The following RNF38 variants were observed in gnomAD, a reference collection of about 807,000 sequenced individuals.
The protein encoded by RNF38 is E3 ubiquitin-protein ligase RNF38.
RNF38 carries 15 observed loss-of-function variants against 67.2 expected under a neutral mutation model. The observed-to-expected ratio is 0.22, with a 90% CI of 0.15 to 0.34. The LOEUF (loss-of-function observed/expected upper bound fraction) is 0.34, where lower values mean the gene tolerates loss of function less well. RNF38 is among the 10% of genes least tolerant of loss of function. The pLI, the probability that RNF38 is intolerant of heterozygous loss-of-function variation, is 1.00. For synonymous variants in RNF38, 220 were observed against 218.8 expected (o/e 1.01, Z -0.05); for missense variants, 524 against 639.9 (o/e 0.82, Z 1.95).
intron 2 of RNF38, among the ~76,000 whole-genome samples, chr9:36,409,204 GA>G (rs901916564): frequency 1.3e-5 from 2 of 150,178 alleles, no homozygotes; most frequent in Non-Finnish European, 3.0e-5. Context: ...AAGAGAGAGA[GA>G]AAGGGAGGGA....
chr9:36,413,249 A>G (rs1029260465), intron 2 of RNF38, among the ~76,000 whole-genome samples: 8 of 151,308 alleles, frequency 5.3e-5, no homozygotes, highest in African/African-American at 1.5e-4. Flanking sequence ...AAAAAAAAAA[A>G]GCATGGCATC....
chr9:36,481,653 T>A (rs1840272493), intron 1 of RNF38, among the ~76,000 whole-genome samples: 1 of 152,062 alleles, frequency 6.6e-6, no homozygotes, highest in East Asian at 1.9e-4. Flanking sequence ...AAAATAATAA[T>A]AAAAAAGACA....
chr9:36,382,033 T>C (rs1836248744), intron 2 of RNF38, among the ~76,000 whole-genome samples: 2 of 152,284 alleles, frequency 1.3e-5, no homozygotes, highest in Admixed American at 6.5e-5. Flanking sequence ...CAGAGGTCCA[T>C]GAACTGTCAT....
chr9:36,375,015 A>T (rs1835683197), intron 3 of RNF38, among the ~76,000 whole-genome samples: 1 of 152,180 alleles, frequency 6.6e-6, no homozygotes, highest in South Asian at 2.1e-4. Flanking sequence ...TATGCACCTC[A>T]CAATGCACTC....
intron 1 of RNF38, among the ~76,000 whole-genome samples, chr9:36,468,819 T>TA (rs975263377): frequency 1.0e-4 from 15 of 149,898 alleles, no homozygotes; most frequent in Non-Finnish European, 1.8e-4. Context: ...TCTCAAAAAA[T>TA]AAAAAAAAAT....
Position 36,339,759 on chromosome 9 carries a change from G to C in RNF38, c.1541C>G (p.Ser514Ter), listed in dbSNP as rs763571220. ...TTGTGCTTCTTAGGTTGGTCATTCTGAATCCCGATGCACTTCTGAAGCATC... is the reference window on the plus strand; with the variant it reads ...TTGTGCTTCTTAGGTTGGTCATTCTCAATCCCGATGCACTTCTGAAGCATC... ...RADASEVHRD[S>*]E Residue 514 changes from serine to a stop codon, truncating the protein, a stop_gained, in exon 12 of 12, where the codon TCA becomes TGA. Transcript: ENST00000259605. LOFTEE classifies it high-confidence loss of function. The C allele has an allele frequency of 3.7e-6, 6 of 1,612,744 alleles. No individual in the cohort carries two copies. Among genetic ancestry groups the C allele is most frequent in the Admixed American group, 1.7e-5 (1 of 59,956 alleles).
intron 8 of RNF38, among the ~76,000 whole-genome samples, chr9:36,352,309 T>TAA (rs1251818967): frequency 7.1e-6 from 1 of 140,784 alleles, no homozygotes; most frequent in East Asian, 2.0e-4. Flanking sequence ...CATCTCAAAT[T>TAA]AAAAAAAAAA....
intron 2 of RNF38, among the ~76,000 whole-genome samples, chr9:36,382,504 G>A (rs1836285680): frequency 6.6e-6 from 1 of 152,144 alleles, no homozygotes; most frequent in South Asian, 2.1e-4. Context: ...GTCATTAAAG[G>A]CTAAAGAAAA....
intron 1 of RNF38, among the ~76,000 whole-genome samples, chr9:36,425,013 T>C (rs1354841398): frequency 6.6e-6 from 1 of 152,232 alleles, no homozygotes; most frequent in Non-Finnish European, 1.5e-5. Context: ...AGGCAAACTC[T>C]TATTTATGAG....
At chr9:36,444,938 G>C (rs1038102564) in intron 1 of RNF38, among the ~76,000 whole-genome samples, 1 of 40,076 alleles carries the variant, frequency 2.5e-5, no homozygotes, top group Non-Finnish European at 5.1e-5. Flanking sequence ...TTTTTTTTTT[G>C]AGACCTATCA....
chr9:36,336,545 T>G lies in RNF38; in HGVS notation c.*3207A>C, dbSNP rs779440512. 8 of 152,556 alleles carry G rather than the reference T, an allele frequency of 5.2e-5. No homozygotes were observed. 9.5% of individuals were successfully genotyped at this position (152,556 alleles called of 1,614,324 possible). On this transcript the variant is annotated 3_prime_UTR_variant, in exon 12 of 12. Transcript: ENST00000259605. ...AAAATGTACAAACTTTGTTAAAAAT[T>G]TATCAAGCCTTCAAATGATTTGGTT...
Position 36,395,837 on chromosome 9 carries a change from C to T in RNF38, c.12+4260G>A, listed in dbSNP as rs564947982. On this transcript the variant is annotated intron_variant, in intron 1 of 11. Transcript: ENST00000259605. Reference sequence around the variant, plus strand: ...AACAAATACTTGCTAAGTAAAATTACGGTACACTTGCTTGAACTATGCAGC... The same window carrying T: ...AACAAATACTTGCTAAGTAAAATTATGGTACACTTGCTTGAACTATGCAGC... Among the ~76,000 whole-genome samples, 8 of 152,232 alleles carry T rather than the reference C, an allele frequency of 5.3e-5. No homozygotes were observed. In the East Asian group the frequency reaches 5.8e-4, roughly 11 times the overall value.
At chr9:36,482,856 G>T (rs1261702491) in intron 1 of RNF38, among the ~76,000 whole-genome samples, 1 of 152,168 alleles carries the variant, frequency 6.6e-6, no homozygotes, top group Non-Finnish European at 1.5e-5. Context: ...AATGCATATG[G>T]ATGAAACTGT....
intron 2 of RNF38, among the ~76,000 whole-genome samples, chr9:36,379,369 G>A (rs911887541): frequency 6.6e-6 from 1 of 152,216 alleles, no homozygotes; most frequent in Non-Finnish European, 1.5e-5. Context: ...AAGGGAAGGG[G>A]TAGTAACCTA....
At chr9:36,389,972 C>T (rs1287765169) in intron 2 of RNF38, among the ~76,000 whole-genome samples, 5 of 152,120 alleles carry the variant, frequency 3.3e-5, no homozygotes, top group Admixed American at 6.5e-5. Context: ...ATTTACACAC[C>T]TTACTTTCGA....
chr9:36,400,124 A>C lies in RNF38; in HGVS notation c.-16T>G, dbSNP rs1837892997. The C allele has an allele frequency of 6.2e-7, 1 of 1,612,442 alleles. No individual in the cohort carries two copies. Among genetic ancestry groups the C allele is most frequent in the Non-Finnish European group, 8.5e-7 (1 of 1,179,210 alleles). On this transcript the variant is annotated 5_prime_UTR_variant, in exon 1 of 12. Coordinates refer to ENST00000259605, the MANE Select transcript of RNF38 (RefSeq NM_022781.5). ...TACAAGCCATACAGACGTAAACAAA[A>C]ACTTTATTTCTTTTTGGACCTCAAT...
At chr9:36,351,402 T>C (rs1395539662) in intron 8 of RNF38, among the ~76,000 whole-genome samples, 2 of 152,182 alleles carry the variant, frequency 1.3e-5, no homozygotes, top group African/African-American at 4.8e-5. Context: ...AACAGAAATA[T>C]ACCACATAAG....
At chr9:36,366,267 T>A (rs1214555937) in intron 4 of RNF38, among the ~76,000 whole-genome samples, 1 of 152,166 alleles carries the variant, frequency 6.6e-6, no homozygotes, top group African/African-American at 2.4e-5. Flanking sequence ...TAAAGGAAAG[T>A]TATTTAAAAT....
intron 1 of RNF38, among the ~76,000 whole-genome samples, chr9:36,427,689 A>G (rs1278600300): frequency 1.3e-5 from 2 of 148,192 alleles, no homozygotes; most frequent in East Asian, 3.9e-4. Context: ...CTATCTATCT[A>G]TCTATCTATC....
Sources: gnomAD v4.1 joint callset for allele counts (sites outside exome capture counted in the v4.1 genomes callset) on GRCh38, gnomAD v4.1.1 for gene constraint, MANE v1.5 for transcripts, NCBI Gene and HGNC (gene_info 2026-07-23, HGNC 2026-07-21) for gene names.